MROH1: variants seen among roughly 807,000 people sequenced by gnomAD.
MROH1 encodes the protein maestro heat-like repeat-containing protein family member 1.
A neutral mutation model predicts 116.5 loss-of-function variants in MROH1; 117 were observed. The observed-to-expected ratio is 1.00, with a 90% CI of 0.86 to 1.17. MROH1 has a LOEUF of 1.17. Ranked by LOEUF, MROH1 falls within the 50% of genes most tolerant of loss-of-function variation. MROH1 has a pLI of 0.00. For missense variants in MROH1, 1,873 were observed against 1,338.5 expected (o/e 1.40, Z -6.23); for synonymous variants, 921 against 583.9 (o/e 1.58, Z -8.32).
At chr8:144,179,635 G>A (rs930760172) in intron 5 of MROH1, 49 bp downstream of exon 5, 10 of 1,562,064 alleles carry the variant, frequency 6.4e-6, no homozygotes, top group Admixed American at 3.8e-5. Flanking sequence ...AGCTTGGGAA[G>A]GGAAGCTGCT....
At chr8:144,213,081 A>T in intron 12 of MROH1, 1 of 778,876 alleles carries the variant, frequency 1.3e-6, no homozygotes, top group Non-Finnish European at 2.4e-6. Flanking sequence ...GCTGCTCCGC[A>T]GCCTGCTGAT....
At position 144,242,869 on chromosome 8, in the gene MROH1, G is replaced by A. The variant is rs957492794; in HGVS notation, c.2352+241G>A. The stretch of plus-strand genomic sequence containing the variant: ...CCGAGGGGCCGGGTCGTGGGCTGTC[G>A]CCCCCCAGGGAGTTCAGCCAGCCCC... On this transcript the variant is annotated intron_variant, in intron 24 of 43. Transcript: ENST00000326134. Among the ~76,000 whole-genome samples the A allele has an allele frequency of 7.9e-5, 12 of 152,224 alleles. No homozygotes were observed. The South Asian group carries it at 1.0e-3, about 13-fold the overall frequency.
intron 12 of MROH1, among the ~76,000 whole-genome samples, chr8:144,210,321 C>T (rs1487387381): frequency 6.6e-6 from 1 of 151,868 alleles, no homozygotes; most frequent in East Asian, 1.9e-4. Flanking sequence ...GCCTGTAATC[C>T]CAGCTACTTG....
chr8:144,196,615 C>A (rs1420756997), intron 10 of MROH1, among the ~76,000 whole-genome samples: 2 of 151,812 alleles, frequency 1.3e-5, no homozygotes, highest in Non-Finnish European at 2.9e-5. Flanking sequence ...CCTTGGCCTC[C>A]CAAAGTGCTG....
chr8:144,260,994 C>A lies in MROH1; in HGVS notation c.4624C>A (p.Arg1542=). The part of the protein sequence containing the change: ...AAFQKHLQEG[R]ALHFGEFLNT... ...TTTCCAGAAACACCTGCAGGAGGGCCGAGCCCTGCACTTCGGGGAGTTCCT... is the reference window on the plus strand; with the variant it reads ...TTTCCAGAAACACCTGCAGGAGGGCAGAGCCCTGCACTTCGGGGAGTTCCT... The change falls in exon 41 of 44, where the codon CGA becomes AGA. Residue 1542 remains arginine, a synonymous_variant. Coordinates refer to ENST00000326134, the MANE Select transcript of MROH1 (RefSeq NM_032450.3). 1 of 773,594 alleles carries A rather than the reference C, an allele frequency of 1.3e-6. No homozygotes were observed. The highest frequency in any genetic ancestry group is 2.4e-6 in the Non-Finnish European group (1 of 416,890). 47.9% of individuals were successfully genotyped at this position (773,594 alleles called of 1,614,324 possible). A position where few individuals can be genotyped will look rare whatever the true frequency, so the allele number is the denominator to read the frequency against.
chr8:144,161,734 G>C (rs970713557), intron 2 of MROH1, among the ~76,000 whole-genome samples: 1 of 152,236 alleles, frequency 6.6e-6, no homozygotes, highest in Non-Finnish European at 1.5e-5. Context: ...TTTGAGTTGG[G>C]TGAGCGTGGC....
At chr8:144,203,608 C>T (rs895832163) in intron 12 of MROH1, among the ~76,000 whole-genome samples, 1 of 152,090 alleles carries the variant, frequency 6.6e-6, no homozygotes, top group East Asian at 1.9e-4. Context: ...GAGGAGAGCG[C>T]CTGCAGCTTC....
At chr8:144,250,543 C>T in intron 33 of MROH1, 177 bp downstream of exon 33, 2 of 676,888 alleles carry the variant, frequency 3.0e-6, no homozygotes, top group East Asian at 5.4e-5. Context: ...CTCAGGTACC[C>T]ACGGGGACCT....
chr8:144,199,785 C>G (rs117717421), intron 11 of MROH1, among the ~76,000 whole-genome samples: 169 of 152,316 alleles, frequency 1.1e-3, no homozygotes, highest in Non-Finnish European at 1.4e-3. Context: ...GGCGGGGCCT[C>G]AGGCCCCCCA....
At chr8:144,194,515 C>T (rs968358292) in intron 10 of MROH1, among the ~76,000 whole-genome samples, 4 of 152,160 alleles carry the variant, frequency 2.6e-5, no homozygotes, top group African/African-American at 2.4e-5. Context: ...CAATGCGGAT[C>T]GGGTCCTCTG....
rs931318846 is a variant in MROH1, at chr8:144,235,461, C to T, written c.1339-3295C>T. Among the ~76,000 whole-genome samples the T allele has an allele frequency of 1.3e-4, 20 of 152,208 alleles. No homozygotes were observed. The East Asian group carries it at 3.9e-3, about 29-fold the overall frequency. On this transcript the variant is annotated intron_variant, in intron 14 of 43. Transcript: ENST00000326134. ...TCTCTTTGTGTAGAAGCATTTAGGC[C>T]GGTACCATCAGGTATGATTCCTGCT...
chr8:144,243,351 T>C (rs1365593018), intron 24 of MROH1, 143 bp from the exon 25 acceptor site: 2 of 675,964 alleles, frequency 3.0e-6, no homozygotes, highest in East Asian at 5.4e-5. Flanking sequence ...ACATGGACTT[T>C]GATAAGCAAA....
At chr8:144,154,416 G>A (rs892325141) in intron 1 of MROH1, among the ~76,000 whole-genome samples, 12,653 of 152,006 alleles carry the variant, frequency 0.083, 1,766 homozygotes, top group African/African-American at 0.29. Flanking sequence ...ACCACTACTG[G>A]CACTTTGTAT....
At chr8:144,152,561 T>A (rs1021782702) in intron 1 of MROH1, among the ~76,000 whole-genome samples, 4 of 138,128 alleles carry the variant, frequency 2.9e-5, no homozygotes, top group African/African-American at 1.1e-4. Flanking sequence ...TATTATTTTT[T>A]TTTTTGAGAC....
intron 3 of MROH1, among the ~76,000 whole-genome samples, chr8:144,167,889 C>G (rs762858247): frequency 1.6e-4 from 25 of 152,126 alleles, no homozygotes; most frequent in Non-Finnish European, 3.1e-4. Flanking sequence ...CCTCGGGGAG[C>G]CTTCCTGAAG....
intron 33 of MROH1, chr8:144,250,971 T>G (rs1358402749): frequency 1.1e-5 from 2 of 178,548 alleles, no homozygotes; most frequent in Admixed American, 5.3e-5. Flanking sequence ...CTGCTGGCCC[T>G]TCCTTTCTTT....
At chr8:144,217,787 C>T (rs546009043) in intron 12 of MROH1, among the ~76,000 whole-genome samples, 2 of 152,226 alleles carry the variant, frequency 1.3e-5, no homozygotes, top group African/African-American at 4.8e-5. Flanking sequence ...TGAGACCAGA[C>T]CTTATTGTTT....
At chr8:144,207,700 C>T (rs1231520562) in intron 12 of MROH1, among the ~76,000 whole-genome samples, 1 of 151,938 alleles carries the variant, frequency 6.6e-6, no homozygotes, top group Non-Finnish European at 1.5e-5. Context: ...GGTTGTTTGT[C>T]GTTTTATTAT....
intron 10 of MROH1, among the ~76,000 whole-genome samples, chr8:144,197,681 C>T (rs1830247146): frequency 6.7e-6 from 1 of 149,938 alleles, no homozygotes; most frequent in Non-Finnish European, 1.5e-5. Flanking sequence ...GGGATCCGCC[C>T]ACCTCGGCCT....
Sources: gnomAD v4.1 joint callset for allele counts (sites outside exome capture counted in the v4.1 genomes callset) on GRCh38, gnomAD v4.1.1 for gene constraint, MANE v1.5 for transcripts, NCBI Gene and HGNC (gene_info 2026-07-23, HGNC 2026-07-21) for gene names.